The following MGLL variants were observed in gnomAD, a reference collection of about 807,000 sequenced individuals.
MGLL encodes lysophospholipase homolog.
In MGLL, 7 loss-of-function variants were observed where a neutral mutation model predicts 29.1. That is an observed-to-expected ratio of 0.24 (90% CI 0.14 to 0.45). The LOEUF (loss-of-function observed/expected upper bound fraction) is 0.45, where lower values mean the gene tolerates loss of function less well. MGLL is among the 20% of genes least tolerant of loss of function. MGLL has a pLI of 0.99. For synonymous variants in MGLL, 148 were observed against 168.3 expected, an observed-to-expected ratio of 0.88 and a Z score of 0.93; for missense variants, 356 against 413.6, an observed-to-expected ratio of 0.86 and a Z score of 1.21.
intron 2 of MGLL, among the ~76,000 whole-genome samples, chr3:127,816,421 A>G (rs1014401004): frequency 1.4e-4 from 21 of 152,228 alleles, no homozygotes; most frequent in Non-Finnish European, 2.6e-4. Flanking sequence ...ACAAAGTCTC[A>G]GGAAGGCCGT....
intron 5 of MGLL, chr3:127,715,966 A>G (rs772816557): frequency 5.2e-6 from 2 of 381,624 alleles, no homozygotes; most frequent in Non-Finnish European, 5.3e-6. Context: ...GATCCAGCTC[A>G]GGAGAGAGGA....
Position 127,822,380 on chromosome 3 carries a change from G to A in MGLL, c.-62C>T. ...CTGGAGAATCAGAACCAGGCAAATCGGGCTGTTCCCTCATCTGGGCGGCCC... is the reference window on the plus strand; with the variant it reads ...CTGGAGAATCAGAACCAGGCAAATCAGGCTGTTCCCTCATCTGGGCGGCCC... On this transcript the variant is annotated 5_prime_UTR_variant, in exon 1 of 8. Coordinates refer to ENST00000265052, the MANE Select transcript of MGLL (RefSeq NM_007283.7). The A allele has an allele frequency of 1.3e-6, 2 of 1,593,950 alleles. No homozygotes were observed. The highest frequency in any genetic ancestry group is 8.6e-7 in the Non-Finnish European group (1 of 1,162,002).
intron 3 of MGLL, among the ~76,000 whole-genome samples, chr3:127,740,360 T>C (rs753389173): frequency 6.6e-6 from 1 of 152,216 alleles, no homozygotes; most frequent in African/African-American, 2.4e-5. Context: ...CAACCACCAC[T>C]GACTTTTTGT....
chr3:127,788,666 C>T (rs2077253765), intron 2 of MGLL, among the ~76,000 whole-genome samples: 1 of 152,214 alleles, frequency 6.6e-6, no homozygotes, highest in African/African-American at 2.4e-5. Flanking sequence ...GCCCTCTGCG[C>T]ACTCCGCAGT....
chr3:127,792,790 T>C (rs1487504483), intron 2 of MGLL, among the ~76,000 whole-genome samples: 2 of 152,160 alleles, frequency 1.3e-5, no homozygotes, highest in African/African-American at 4.8e-5. Context: ...CTAGGCTGCC[T>C]CTCCTGCGTG....
At chr3:127,772,446 G>C (rs537536257) in intron 3 of MGLL, among the ~76,000 whole-genome samples, 1 of 152,234 alleles carries the variant, frequency 6.6e-6, no homozygotes, top group South Asian at 2.1e-4. Flanking sequence ...TCTCTCTAAA[G>C]CTGAGCCTGT....
At chr3:127,811,026 T>A (rs1475610749) in intron 2 of MGLL, among the ~76,000 whole-genome samples, 2 of 149,254 alleles carry the variant, frequency 1.3e-5, no homozygotes, top group Non-Finnish European at 2.9e-5. Context: ...CAGGGAATAT[T>A]CTTCTTCTAG....
intron 2 of MGLL, among the ~76,000 whole-genome samples, chr3:127,786,674 C>T (rs898595537): frequency 3.3e-5 from 5 of 152,250 alleles, no homozygotes; most frequent in African/African-American, 4.8e-5. Context: ...CCTTTTATGC[C>T]TTTGTTTATT....
At chr3:127,737,630 C>CCTTTTTTTTTTT (rs2076264165) in intron 3 of MGLL, among the ~76,000 whole-genome samples, 1 of 68,610 alleles carries the variant, frequency 1.5e-5, no homozygotes, top group Non-Finnish European at 2.4e-5. Flanking sequence ...TCAACTGCTT[C>CCTTTTTTTTTTT]TTTTTTTTTT....
At chr3:127,698,926 G>A (rs2075424465) in intron 6 of MGLL, among the ~76,000 whole-genome samples, 1 of 152,226 alleles carries the variant, frequency 6.6e-6, no homozygotes, top group Admixed American at 6.5e-5. Context: ...GGGTCTGCTG[G>A]GGACATGGCA....
chr3:127,708,309 A>G (rs943460465), intron 6 of MGLL, among the ~76,000 whole-genome samples: 1 of 152,206 alleles, frequency 6.6e-6, no homozygotes, highest in African/African-American at 2.4e-5. Flanking sequence ...CTTGGGGCTG[A>G]CCGGCCACCT....
chr3:127,726,292 A>AAGGG (rs58130464), intron 3 of MGLL, among the ~76,000 whole-genome samples: 1 of 114,064 alleles, frequency 8.8e-6, no homozygotes, highest in Non-Finnish European at 1.8e-5. Flanking sequence ...GGAAGGAAGG[A>AAGGG]AGGGAGGGAG....
rs192503551 is a variant in MGLL, at chr3:127,822,401, G to C, written c.-83C>G. 1.4e-6 allele frequency: 2 copies of C among 1,470,888 alleles called. No individual in the cohort carries two copies. Among genetic ancestry groups the C allele is most frequent in the African/African-American group, 1.4e-5 (1 of 71,844 alleles). 91.1% of individuals were successfully genotyped at this position (1,470,888 alleles called of 1,614,324 possible). On this transcript the variant is annotated 5_prime_UTR_variant, in exon 1 of 8. Coordinates refer to ENST00000265052, the MANE Select transcript of MGLL (RefSeq NM_007283.7). ...AATCGGGCTGTTCCCTCATCTGGGC[G>C]GCCCCAAGGCAGCAGGAAGGCAGCT...
intron 2 of MGLL, among the ~76,000 whole-genome samples, chr3:127,810,696 A>G (rs1197140518): frequency 2.6e-5 from 4 of 152,268 alleles, no homozygotes; most frequent in Non-Finnish European, 2.9e-5. Flanking sequence ...CGAGGTGTTC[A>G]GCAAGAGCTA....
intron 3 of MGLL, among the ~76,000 whole-genome samples, chr3:127,756,001 G>C (rs1219110611): frequency 6.6e-6 from 1 of 152,162 alleles, no homozygotes; most frequent in Non-Finnish European, 1.5e-5. Flanking sequence ...CTAACTCCTG[G>C]TCATTGAGAC....
intron 3 of MGLL, among the ~76,000 whole-genome samples, chr3:127,750,196 T>G (rs2076531495): frequency 6.6e-6 from 1 of 152,130 alleles, no homozygotes; most frequent in South Asian, 2.1e-4. Flanking sequence ...AAGCTACTTC[T>G]GTGTCCCGTT....
chr3:127,692,128 C>G lies in MGLL; in HGVS notation c.*70G>C. On this transcript the variant is annotated 3_prime_UTR_variant, in exon 8 of 8. Transcript: ENST00000265052. The stretch of plus-strand genomic sequence containing the variant: ...TTTTTTTTTTTTTGGCAAGCCATAT[C>G]TGAGAAGCCATCTCTGCCCTTCCCC... 1.1e-5 allele frequency: 7 copies of G among 663,578 alleles called. No homozygotes were observed. Among genetic ancestry groups the G allele is most frequent in the South Asian group, 1.6e-5 (1 of 64,394 alleles). 41.1% of individuals were successfully genotyped at this position (663,578 alleles called of 1,614,324 possible). A position where few individuals can be genotyped will look rare whatever the true frequency, so the allele number is the denominator to read the frequency against.
intron 3 of MGLL, among the ~76,000 whole-genome samples, chr3:127,779,535 G>A (rs2077088890): frequency 6.6e-6 from 1 of 151,732 alleles, no homozygotes; most frequent in Non-Finnish European, 1.5e-5. Context: ...GACAGTTGTG[G>A]CTGTAATGCA....
chr3:127,800,818 A>G (rs1576306507), intron 2 of MGLL, among the ~76,000 whole-genome samples: 1 of 152,020 alleles, frequency 6.6e-6, no homozygotes, highest in Non-Finnish European at 1.5e-5. Flanking sequence ...CATGTGCTTC[A>G]CCCCCTGAGG....
Sources: gnomAD v4.1 joint callset for allele counts (sites outside exome capture counted in the v4.1 genomes callset) on GRCh38, gnomAD v4.1.1 for gene constraint, MANE v1.5 for transcripts, NCBI Gene and HGNC (gene_info 2026-07-23, HGNC 2026-07-21) for gene names.